DNM3: variants seen among roughly 807,000 people sequenced by gnomAD.
The protein encoded by DNM3 is dynamin-3.
A neutral mutation model predicts 101.6 loss-of-function variants in DNM3; 47 were observed. That is an observed-to-expected ratio of 0.46 (90% CI 0.37 to 0.59). The LOEUF (loss-of-function observed/expected upper bound fraction) is 0.59. Ranked by LOEUF, DNM3 falls within the 20% of genes least tolerant of loss-of-function variation. DNM3 has a pLI of 0.00. For synonymous variants in DNM3, 385 were observed against 387.9 expected (o/e 0.99, Z 0.09); for missense variants, 849 against 1,085.7 (o/e 0.78, Z 3.06).
intron 2 of DNM3, among the ~76,000 whole-genome samples, chr1:171,922,224 G>A (rs1239086886): frequency 6.6e-6 from 1 of 151,900 alleles, no homozygotes; most frequent in Non-Finnish European, 1.5e-5. Flanking sequence ...ATATCTGTAT[G>A]GATGTGTATG....
At chr1:172,326,078 C>T (rs1248329574) in intron 17 of DNM3, among the ~76,000 whole-genome samples, 2 of 152,156 alleles carry the variant, frequency 1.3e-5, no homozygotes, top group Admixed American at 1.3e-4. Context: ...CCTCTAAACT[C>T]CAAGAAAACT....
At chr1:172,265,846 G>A (rs1306016110) in intron 15 of DNM3, among the ~76,000 whole-genome samples, 3 of 152,126 alleles carry the variant, frequency 2.0e-5, no homozygotes, top group Non-Finnish European at 4.4e-5. Context: ...GGGTTGTAGG[G>A]CAGCCACATG....
intron 14 of DNM3, among the ~76,000 whole-genome samples, chr1:172,163,226 T>G (rs2058610207): frequency 1.3e-5 from 2 of 149,270 alleles, no homozygotes; most frequent in Admixed American, 1.4e-4. Context: ...AAGTTTACAG[T>G]GCAATATTCT....
intron 4 of DNM3, among the ~76,000 whole-genome samples, chr1:172,029,188 G>A (rs1472136966): frequency 6.6e-6 from 1 of 152,162 alleles, no homozygotes; most frequent in African/African-American, 2.4e-5. Flanking sequence ...TAATACAGCA[G>A]CACATCAAAC....
At chr1:172,290,530 G>C (rs2063866856) in intron 15 of DNM3, among the ~76,000 whole-genome samples, 1 of 152,162 alleles carries the variant, frequency 6.6e-6, no homozygotes, top group Non-Finnish European at 1.5e-5. Context: ...AGGAAAATGA[G>C]GGGGCAAGAA....
chr1:172,236,563 AT>A (rs1261220377), intron 14 of DNM3, among the ~76,000 whole-genome samples: 1 of 152,060 alleles, frequency 6.6e-6, no homozygotes, highest in Non-Finnish European at 1.5e-5. Flanking sequence ...ATAACTCAGT[AT>A]TTAAGCTTAG....
At chr1:172,046,301 A>C (rs1020262694) in intron 9 of DNM3, among the ~76,000 whole-genome samples, 2 of 152,148 alleles carry the variant, frequency 1.3e-5, no homozygotes, top group African/African-American at 2.4e-5. Context: ...AAACTATCTC[A>C]AGGACAAAAA....
At position 172,388,723 on chromosome 1, in the gene DNM3, A is replaced by T. The variant is rs1573701756; in HGVS notation, c.2436A>T (p.Leu812Phe). ...CAGTCCCATTCCGTCCAGGCCCATT[A>T]CCTCCTTTCCCCAGCAGCAGTGACT... Reference protein sequence around the residue: ...APPVPFRPGPLPPFPSSSDSF... With the variant: ...APPVPFRPGPFPPFPSSSDSF... The change falls in exon 20 of 21, where the codon TTA (leucine) becomes TTT (phenylalanine). Residue 812 changes from leucine to phenylalanine, a missense_variant. Leu to Phe is a conservative substitution (Grantham distance 22, BLOSUM62 0). This residue lies in a region of DNM3 where 256 missense variants were observed against 311.7 expected (regional missense o/e 0.82). Transcript: ENST00000627582. The T allele has an allele frequency of 1.2e-6, 2 of 1,612,730 alleles. No homozygotes were observed. The highest frequency in any genetic ancestry group is 1.7e-6 in the Non-Finnish European group (2 of 1,179,470).
At chr1:171,952,140 G>A (rs995897228) in intron 2 of DNM3, among the ~76,000 whole-genome samples, 2 of 152,194 alleles carry the variant, frequency 1.3e-5, no homozygotes, top group Non-Finnish European at 2.9e-5. Context: ...AGCCTTCAGA[G>A]AGAAGAGATG....
intron 10 of DNM3, among the ~76,000 whole-genome samples, chr1:172,061,100 C>T (rs1218070451): frequency 6.8e-6 from 1 of 146,902 alleles, no homozygotes; most frequent in South Asian, 2.2e-4. Context: ...TGAAAAAATG[C>T]TCATCATCAC....
intron 10 of DNM3, among the ~76,000 whole-genome samples, chr1:172,058,849 G>A (rs1049300116): frequency 3.3e-5 from 5 of 149,260 alleles, no homozygotes; most frequent in Non-Finnish European, 7.4e-5. Context: ...TAAAATCATA[G>A]CAGAACTGAA....
chr1:171,978,161 T>C (rs1433608154), intron 2 of DNM3, among the ~76,000 whole-genome samples: 1 of 152,146 alleles, frequency 6.6e-6, no homozygotes, highest in Admixed American at 6.5e-5. Flanking sequence ...GCTCCTGTTC[T>C]CATGGTGCTT....
intron 1 of DNM3, among the ~76,000 whole-genome samples, chr1:171,870,711 C>T (rs907963619): frequency 2.6e-5 from 4 of 151,716 alleles, no homozygotes; most frequent in African/African-American, 9.7e-5. Flanking sequence ...AGATATGACA[C>T]AAAACAATAA....
intron 4 of DNM3, among the ~76,000 whole-genome samples, chr1:171,995,781 G>T (rs1347778163): frequency 1.3e-5 from 2 of 152,142 alleles, no homozygotes; most frequent in Non-Finnish European, 2.9e-5. Flanking sequence ...GGCTAAGCAG[G>T]ATGACCTATT....
chr1:172,408,824 C>T lies in DNM3; in HGVS notation c.*983C>T, dbSNP rs1164624459. On this transcript the variant is annotated 3_prime_UTR_variant, in exon 21 of 21. Transcript: ENST00000627582. The stretch of plus-strand genomic sequence containing the variant: ...ATTTATCCTACCCTTGAAACAGGCT[C>T]AGTGTAACTGTATATCCATTCTAGG... 2 of 985,014 alleles carry T rather than the reference C, an allele frequency of 2.0e-6. No homozygotes were observed. The highest frequency in any genetic ancestry group is 3.5e-5 in the African/African-American group (2 of 57,190). 61.0% of individuals were successfully genotyped at this position (985,014 alleles called of 1,614,324 possible). A position where few individuals can be genotyped will look rare whatever the true frequency, so the allele number is the denominator to read the frequency against.
At chr1:172,248,630 G>T (rs2148671812) in intron 14 of DNM3, among the ~76,000 whole-genome samples, 1 of 152,162 alleles carries the variant, frequency 6.6e-6, no homozygotes, top group East Asian at 1.9e-4. Flanking sequence ...TTCAGAGAAG[G>T]CGTTCCTGGC....
chr1:172,197,464 T>C (rs1256449902), intron 14 of DNM3, among the ~76,000 whole-genome samples: 4 of 152,216 alleles, frequency 2.6e-5, no homozygotes, highest in Non-Finnish European at 4.4e-5. Context: ...GGTAGTTTGA[T>C]AGGAATAGCA....
chr1:171,891,979 G>C (rs7554700), intron 1 of DNM3, among the ~76,000 whole-genome samples: 3 of 152,092 alleles, frequency 2.0e-5, no homozygotes, highest in Non-Finnish European at 4.4e-5. Context: ...ACTCATCTGC[G>C]TGGGAGTTTT....
At chr1:171,937,129 C>T (rs1319163980) in intron 2 of DNM3, among the ~76,000 whole-genome samples, 3 of 152,180 alleles carry the variant, frequency 2.0e-5, no homozygotes, top group South Asian at 4.1e-4. Context: ...TAGACTGATA[C>T]ATAGCAAAAA....
Sources: allele counts gnomAD v4.1 joint callset (sites outside exome capture counted in the v4.1 genomes callset), GRCh38; gene constraint gnomAD v4.1.1; regional missense constraint gnomAD v4.1.1; transcripts MANE v1.5; gene names NCBI Gene and HGNC (gene_info 2026-07-23, HGNC 2026-07-21).